The following GNPTAB variants were observed in gnomAD, a reference collection of about 807,000 sequenced individuals.
GNPTAB encodes the protein N-acetylglucosamine-1-phosphate transferase subunits alpha and beta, also known as N-acetylglucosamine-1-phosphotransferase subunits alpha/beta.
In GNPTAB, 92 loss-of-function variants were observed where a neutral mutation model predicts 136.6. The observed-to-expected ratio is 0.67, with a 90% CI of 0.57 to 0.80. GNPTAB has a LOEUF of 0.80. GNPTAB is among the 30% of genes least tolerant of loss of function. The probability of loss-of-function intolerance (pLI) is 0.00; values close to 1 mark genes in which losing one functional copy is unlikely to be tolerated. For missense variants in GNPTAB, 1,343 were observed against 1,501.8 expected, an observed-to-expected ratio of 0.89 and a Z score of 1.75; for synonymous variants, 512 against 535.1, an observed-to-expected ratio of 0.96 and a Z score of 0.60.
rs1366737178 is a variant in GNPTAB, at chr12:101,793,960, CA to C, written c.203+2716del. Among the ~76,000 whole-genome samples, 3 of 152,316 alleles carry C rather than the reference CA, an allele frequency of 2.0e-5. No individual in the cohort carries two copies. The South Asian group carries it at 6.2e-4, about 32-fold the overall frequency. ...CAGGTTCAACCAATTCTCCCTGCCTCAGCCTCCCAAGTAGCTGGGATTATAG... is the reference window on the plus strand; with the variant it reads ...CAGGTTCAACCAATTCTCCCTGCCTCGCCTCCCAAGTAGCTGGGATTATAG... On this transcript the variant is annotated intron_variant, in intron 2 of 20. Transcript: ENST00000299314.
chr12:101,765,213 A>G lies in GNPTAB; in HGVS notation c.1704T>C (p.Phe568=). Residue 568 remains phenylalanine, a synonymous_variant, in exon 13 of 21, where the codon TTT becomes TTC. Coordinates refer to ENST00000299314, the MANE Select transcript of GNPTAB (RefSeq NM_024312.5). ...PKGECLPYFS[F]AEVAKRGVEG... ...CAACTCCTCTTTTGGCTACTTCTGC[A>G]AAGCTGAAATAAGGCAGGCATTCAC... is the stretch of plus-strand genomic sequence containing the variant. The G allele has an allele frequency of 6.2e-7, 1 of 1,614,108 alleles. No individual in the cohort carries two copies. Among genetic ancestry groups the G allele is most frequent in the Non-Finnish European group, 8.5e-7 (1 of 1,179,922 alleles).
chr12:101,810,723 A>G (rs899559471), intron 1 of GNPTAB: 5 of 151,874 alleles, frequency 3.3e-5, no homozygotes, highest in African/African-American at 1.2e-4. Context: ...ACTGACACTA[A>G]AAGTATTATT....
intron 5 of GNPTAB, chr12:101,785,801 G>T: frequency 1.8e-6 from 1 of 551,486 alleles, no homozygotes; most frequent in Non-Finnish European, 3.2e-6. Context: ...AGCACAGAAA[G>T]GTATGTGTAT....
At chr12:101,772,685 G>C (rs1406495779) in intron 7 of GNPTAB, among the ~76,000 whole-genome samples, 1 of 152,188 alleles carries the variant, frequency 6.6e-6, no homozygotes, top group Non-Finnish European at 1.5e-5. Context: ...AGGGGGATTA[G>C]TAGTCTGCCT....
chr12:101,789,063 T>C (rs997533048), intron 3 of GNPTAB, among the ~76,000 whole-genome samples: 3 of 152,208 alleles, frequency 2.0e-5, no homozygotes, highest in African/African-American at 7.2e-5. Flanking sequence ...CGTTTTCAAA[T>C]GGAAACAAGT....
intron 5 of GNPTAB, 76 bp downstream of exon 5, chr12:101,785,936 T>C: frequency 9.2e-7 from 1 of 1,082,318 alleles, no homozygotes; most frequent in Non-Finnish European, 1.4e-6. Context: ...ATGAATCATT[T>C]CTATTCCACT....
At chr12:101,750,183 C>T (rs1452385304) in intron 19 of GNPTAB, among the ~76,000 whole-genome samples, 2 of 152,134 alleles carry the variant, frequency 1.3e-5, no homozygotes, top group Non-Finnish European at 2.9e-5. Context: ...AAATAATGAA[C>T]AATTGGTTAC....
rs1207206683 is a variant in GNPTAB, at chr12:101,764,338, C to T, written c.2579G>A (p.Ser860Asn). Residue 860 changes from serine to asparagine, a missense_variant, in exon 13 of 21, where the codon AGT (serine) becomes AAT (asparagine). Coordinates refer to ENST00000299314, the MANE Select transcript of GNPTAB (RefSeq NM_024312.5). ...ATTTTCAGCATTTTCCTCCATTCTA[C>T]TGTTCTCTTTTTCTTTCCCTGTGAT... ...KKITGKEKEN[S>N]RMEENAENHI... 1.2e-6 allele frequency: 2 copies of T among 1,614,126 alleles called. No individual in the cohort carries two copies. Among genetic ancestry groups the T allele is most frequent in the Admixed American group, 1.7e-5 (1 of 60,020 alleles).
rs1413652136 is a variant in GNPTAB, at chr12:101,747,226, G to A, written c.3709C>T (p.Arg1237Trp). ...FFAEQLIALK[R>W]KIFPRRRIHK... ...ATCCTCCTTCTGGGAAATATCTTCC[G>A]CTTAAGTGCAATTAACTAAATGATG... Residue 1237 changes from arginine (R) to tryptophan (W), a missense_variant, in exon 21 of 21, where the codon CGG becomes TGG. By Grantham distance (101) the Arg-to-Trp change is moderately radical. Transcript: ENST00000299314. The A allele has an allele frequency of 1.9e-5, 30 of 1,579,602 alleles. No homozygotes were observed. The highest frequency in any genetic ancestry group is 2.5e-5 in the Non-Finnish European group (29 of 1,148,860).
At chr12:101,821,794 A>G (rs1012369440) in intron 1 of GNPTAB, among the ~76,000 whole-genome samples, 1 of 152,160 alleles carries the variant, frequency 6.6e-6, no homozygotes, top group African/African-American at 2.4e-5. Flanking sequence ...TGAAAAATAT[A>G]AAGTGCTGGC....
intron 5 of GNPTAB, chr12:101,785,675 C>T: frequency 3.9e-6 from 1 of 258,424 alleles, no homozygotes; most frequent in Non-Finnish European, 7.4e-6. Context: ...TATGTTCTGC[C>T]CAAACTGCAG....
intron 20 of GNPTAB, 55 bp from the exon 21 acceptor site, chr12:101,747,296 T>C (rs1374992135): frequency 2.0e-6 from 2 of 1,019,740 alleles, no homozygotes; most frequent in African/African-American, 1.6e-5. Flanking sequence ...TGAAAGAATA[T>C]AAGTGCATCA....
chr12:101,784,443 C>A (rs992033115), intron 5 of GNPTAB, among the ~76,000 whole-genome samples: 1 of 152,098 alleles, frequency 6.6e-6, no homozygotes, highest in Non-Finnish European at 1.5e-5. Context: ...ATCCCAAACA[C>A]CAGGAAGAGA....
At position 101,761,227 on chromosome 12, in the gene GNPTAB, TGAGA is replaced by T; in HGVS notation, c.3031_3034del (p.Ser1011LysfsTer31). 6.2e-7 allele frequency: 1 copy of T among 1,613,886 alleles called. No homozygotes were observed. The highest frequency in any genetic ancestry group is 8.5e-7 in the Non-Finnish European group (1 of 1,179,750). On this transcript the variant is annotated frameshift_variant, in exon 15 of 21. Coordinates refer to ENST00000299314, the MANE Select transcript of GNPTAB (RefSeq NM_024312.5). LOFTEE classifies it high-confidence loss of function. ...ATCTGTATCAACTTCATCAAAGACT[TGAGA>T]TATATTCAGTGGCTGCACTGCACTC...
chr12:101,768,208 C>A, intron 10 of GNPTAB, 48 bp from the exon 11 acceptor site: 1 of 1,598,868 alleles, frequency 6.3e-7, no homozygotes, highest in East Asian at 2.2e-5. Flanking sequence ...GCTTCTGATA[C>A]ATTTTATTCT....
intron 19 of GNPTAB, among the ~76,000 whole-genome samples, chr12:101,749,622 A>G (rs1478421987): frequency 6.6e-6 from 1 of 152,254 alleles, no homozygotes; most frequent in Non-Finnish European, 1.5e-5. Context: ...ACTTGCCATC[A>G]CATAAGACAC....
intron 1 of GNPTAB, among the ~76,000 whole-genome samples, chr12:101,820,089 T>TA (rs1870717623): frequency 1.3e-5 from 2 of 152,336 alleles, no homozygotes; most frequent in South Asian, 4.1e-4. Context: ...AGTTGGCACT[T>TA]AATTAGCTGA....
intron 6 of GNPTAB, 30 bp from the exon 7 acceptor site, chr12:101,780,316 T>A: frequency 6.2e-7 from 1 of 1,612,474 alleles, no homozygotes; most frequent in Non-Finnish European, 8.5e-7. Context: ...ATAACTCATT[T>A]TCCACATCAT....
intron 1 of GNPTAB, among the ~76,000 whole-genome samples, chr12:101,825,668 G>A (rs1402225577): frequency 7.0e-6 from 1 of 143,812 alleles, no homozygotes; most frequent in Non-Finnish European, 1.5e-5. Flanking sequence ...GCTCTGTGTG[G>A]CCATTGGCAT....
Sources: gnomAD v4.1 joint callset for allele counts (sites outside exome capture counted in the v4.1 genomes callset) on GRCh38, gnomAD v4.1.1 for gene constraint, MANE v1.5 for transcripts, NCBI Gene and HGNC (gene_info 2026-07-23, HGNC 2026-07-21) for gene names.